EFR3B: variants seen among roughly 807,000 people sequenced by gnomAD.
EFR3B encodes the protein protein EFR3 homolog B.
Under a neutral mutation model 104.7 loss-of-function variants are expected in EFR3B, and 64 were observed. The ratio of observed to expected loss-of-function variants is 0.61; its 90% CI spans 0.50 to 0.75. EFR3B has a LOEUF of 0.75. EFR3B is among the 30% of genes least tolerant of loss of function. EFR3B has a pLI of 0.00. For missense variants in EFR3B, 750 were observed against 1,078.5 expected, an observed-to-expected ratio of 0.70 and a Z score of 4.27; for synonymous variants, 385 against 417.9, an observed-to-expected ratio of 0.92 and a Z score of 0.96.
At chr2:25,112,141 G>A (rs902009501) in intron 4 of EFR3B, among the ~76,000 whole-genome samples, 19 of 152,328 alleles carry the variant, frequency 1.2e-4, no homozygotes, top group African/African-American at 3.6e-4. Context: ...GTCACCTGTC[G>A]ACTAGATATG....
chr2:25,044,946 T>C (rs1382399464), intron 1 of EFR3B, among the ~76,000 whole-genome samples: 1 of 152,238 alleles, frequency 6.6e-6, no homozygotes, highest in African/African-American at 2.4e-5. Context: ...TCATCCCATC[T>C]GAATCCAGGA....
At chr2:25,103,185 TG>T (rs1409240835) in intron 3 of EFR3B, among the ~76,000 whole-genome samples, 2 of 152,266 alleles carry the variant, frequency 1.3e-5, no homozygotes, top group East Asian at 3.8e-4. Flanking sequence ...TTAAGTTGAA[TG>T]ACTGCCTTCT....
chr2:25,090,080 C>T (rs948301000), intron 1 of EFR3B, among the ~76,000 whole-genome samples: 2 of 152,216 alleles, frequency 1.3e-5, no homozygotes, highest in Non-Finnish European at 2.9e-5. Flanking sequence ...AAAGTAATTC[C>T]CAATGAAGGA....
At chr2:25,139,033 C>A in intron 15 of EFR3B, 26 bp from the exon 16 acceptor site, 1 of 1,551,350 alleles carries the variant, frequency 6.4e-7, no homozygotes. Context: ...TGAAAAACTC[C>A]GGAGGCCTTG....
chr2:25,095,571 C>G (rs1183488387), intron 3 of EFR3B, among the ~76,000 whole-genome samples: 1 of 152,026 alleles, frequency 6.6e-6, no homozygotes, highest in Non-Finnish European at 1.5e-5. Flanking sequence ...GGGCATGCAC[C>G]TATAGTCCCA....
chr2:25,140,056 T>TGGATTAC (rs1558618285), intron 16 of EFR3B, among the ~76,000 whole-genome samples: 4 of 152,308 alleles, frequency 2.6e-5, no homozygotes, highest in African/African-American at 9.6e-5. Context: ...CTCAAGCCTG[T>TGGATTAC]AATCCCAGCA....
intron 3 of EFR3B, among the ~76,000 whole-genome samples, chr2:25,103,295 T>G (rs1458585169): frequency 6.6e-6 from 1 of 152,246 alleles, no homozygotes; most frequent in Non-Finnish European, 1.5e-5. Flanking sequence ...CCCGACCTCA[T>G]AGAGTTTAGA....
chr2:25,127,530 A>G (rs1573222663), intron 5 of EFR3B, among the ~76,000 whole-genome samples: 1 of 152,340 alleles, frequency 6.6e-6, no homozygotes, highest in South Asian at 2.1e-4. Context: ...ATTAGTATGT[A>G]TTATTTTATA....
intron 1 of EFR3B, among the ~76,000 whole-genome samples, chr2:25,046,529 G>A (rs2149161847): frequency 8.4e-6 from 1 of 118,552 alleles, no homozygotes; most frequent in Non-Finnish European, 1.9e-5. Context: ...TTTTGAGACG[G>A]AGTCTCGCTG....
rs368637285 is a variant in EFR3B, at chr2:25,087,580, C to A, written c.8-3745C>A. Reference sequence around the variant, plus strand: ...CTGCAGCCTCCGGGTTCAAGTGATTCTCCTGCCTCAGCCTCCCAAGTAGCT... The same window carrying A: ...CTGCAGCCTCCGGGTTCAAGTGATTATCCTGCCTCAGCCTCCCAAGTAGCT... On this transcript the variant is annotated intron_variant, in intron 1 of 22. Transcript: ENST00000403714. Among the ~76,000 whole-genome samples the A allele has an allele frequency of 7.3e-5, 11 of 151,024 alleles. No individual in the cohort carries two copies. The South Asian group carries it at 2.1e-3, about 29-fold the overall frequency.
Position 25,130,213 on chromosome 2 carries a change from T to C in EFR3B, c.770+104T>C, listed in dbSNP as rs574097267. On this transcript the variant is annotated intron_variant, in intron 7 of 22. Coordinates refer to ENST00000403714, the MANE Select transcript of EFR3B (RefSeq NM_014971.2). This position sits in a 1 kb window ranked among gnomAD's most constrained non-coding sequence, Gnocchi z 4.6. ...TGGGGGGAAGGGGATATTACAGTTGTGGTGCCGCAGCCGAGTCGATCCCTT... is the reference window on the plus strand; with the variant it reads ...TGGGGGGAAGGGGATATTACAGTTGCGGTGCCGCAGCCGAGTCGATCCCTT... 212 of 1,485,516 alleles carry C rather than the reference T, an allele frequency of 1.4e-4. 1 individual carries two copies. In the African/African-American group the frequency reaches 2.6e-3, roughly 18 times the overall value. 92.0% of individuals were successfully genotyped at this position (1,485,516 alleles called of 1,614,324 possible). A position where few individuals can be genotyped will look rare whatever the true frequency, so the allele number is the denominator to read the frequency against.
intron 20 of EFR3B, 52 bp from the exon 21 acceptor site, chr2:25,151,862 C>T (rs879453166): frequency 1.4e-4 from 222 of 1,537,784 alleles, no homozygotes; most frequent in Non-Finnish European, 1.9e-4. Flanking sequence ...GGAGTCCCTC[C>T]CTTCACCTCA....
intron 1 of EFR3B, among the ~76,000 whole-genome samples, chr2:25,068,964 C>T (rs1290819479): frequency 2.8e-5 from 4 of 141,368 alleles, no homozygotes; most frequent in African/African-American, 8.0e-5. Flanking sequence ...GACAGAGTCT[C>T]ACTCTGTCAC....
chr2:25,092,161 C>T (rs1669143171), intron 2 of EFR3B, among the ~76,000 whole-genome samples: 1 of 151,936 alleles, frequency 6.6e-6, no homozygotes, highest in South Asian at 2.1e-4. Context: ...CTCTGACTCC[C>T]TGGTTTAAGC....
rs1001499193 is a variant in EFR3B, at chr2:25,048,567, G to T, written c.7+6248G>T. On this transcript the variant is annotated intron_variant, in intron 1 of 22. Coordinates refer to ENST00000403714, the MANE Select transcript of EFR3B (RefSeq NM_014971.2). ...GTAGCCCTTCAAATGGATTGGTCAAGGTATATAAACATTTTAAGACTTGTG... is the reference window on the plus strand; with the variant it reads ...GTAGCCCTTCAAATGGATTGGTCAATGTATATAAACATTTTAAGACTTGTG... Among the ~76,000 whole-genome samples, 18 of 152,250 alleles carry T rather than the reference G, an allele frequency of 1.2e-4. 1 individual carries two copies. Among genetic ancestry groups the T allele is most frequent in the Middle Eastern group, 3.4e-3 (1 of 294 alleles).
intron 1 of EFR3B, among the ~76,000 whole-genome samples, chr2:25,059,572 C>CT (rs1307496276): frequency 1.7e-5 from 1 of 60,216 alleles, no homozygotes; most frequent in African/African-American, 6.5e-5. Flanking sequence ...CCAGGGACTG[C>CT]GGGGGGGGGG....
In EFR3B at chr2:25,136,969, CCTCTGTAGCTCTGTCTCCTCT is replaced by C. The variant is rs1670533191; in HGVS notation, c.1561-361_1561-341del. 6.6e-6 allele frequency among the ~76,000 whole-genome samples: 1 copy of C among 152,114 alleles called. No homozygotes were observed. The highest frequency in any genetic ancestry group is 2.4e-5 in the African/African-American group (1 of 41,440). ...CCTCCCTCTGTAGCTATGTCTCCTCCCTCTGTAGCTCTGTCTCCTCTCTCTGTAGCTACGTCTCCTCCCTCT... is the reference window on the plus strand; with the variant it reads ...CCTCCCTCTGTAGCTATGTCTCCTCCCTCTGTAGCTACGTCTCCTCCCTCT... On this transcript the variant is annotated intron_variant, in intron 14 of 22. Coordinates refer to ENST00000403714, the MANE Select transcript of EFR3B (RefSeq NM_014971.2). This position sits in a 1 kb window ranked among gnomAD's most constrained non-coding sequence, Gnocchi z 4.0.
intron 1 of EFR3B, among the ~76,000 whole-genome samples, chr2:25,085,039 T>TG: frequency 6.6e-6 from 1 of 152,346 alleles, no homozygotes; most frequent in East Asian, 1.9e-4. Flanking sequence ...GAGCTGTGCC[T>TG]GGCTCACAAG....
chr2:25,152,948 G>A (rs551259897), intron 21 of EFR3B, among the ~76,000 whole-genome samples: 20 of 151,992 alleles, frequency 1.3e-4, no homozygotes, highest in Non-Finnish European at 2.5e-4. Context: ...GCCCAGTCAC[G>A]GAACACGTGC....
Sources: gnomAD v4.1 joint callset for allele counts (sites outside exome capture counted in the v4.1 genomes callset) on GRCh38, gnomAD v4.1.1 for gene constraint, Gnocchi (gnomAD v3.1) non-coding constraint, MANE v1.5 for transcripts, NCBI Gene and HGNC (gene_info 2026-07-23, HGNC 2026-07-21) for gene names.